DCLK1: variants seen among roughly 807,000 people sequenced by gnomAD.
DCLK1 encodes the protein serine/threonine-protein kinase DCLK1.
In DCLK1, 16 loss-of-function variants were observed where a neutral mutation model predicts 86.2. The ratio of observed to expected loss-of-function variants is 0.19; its 90% CI spans 0.13 to 0.28. The LOEUF (loss-of-function observed/expected upper bound fraction) is 0.28, where lower values mean the gene tolerates loss of function less well. DCLK1 is among the 10% of genes least tolerant of loss of function. DCLK1 has a pLI of 1.00. For synonymous variants in DCLK1, 369 were observed against 370.5 expected (o/e 1.00, Z 0.05); for missense variants, 590 against 940.2 (o/e 0.63, Z 4.87).
At chr13:35,971,039 CAAG>C (rs1879036234) in intron 3 of DCLK1, among the ~76,000 whole-genome samples, 1 of 152,082 alleles carries the variant, frequency 6.6e-6, no homozygotes, top group African/African-American at 2.4e-5. Context: ...ACTTGACAGG[CAAG>C]AGCAGATGCC....
At chr13:35,801,420 T>C (rs779966172) in intron 15 of DCLK1, among the ~76,000 whole-genome samples, 3 of 152,204 alleles carry the variant, frequency 2.0e-5, no homozygotes, top group Non-Finnish European at 4.4e-5. Flanking sequence ...AGTTAAGCAC[T>C]CACTTAATCG....
rs1327804145 is a variant in DCLK1, at chr13:35,828,446, T to C, written c.1230-139A>G. 3 of 710,394 alleles carry C rather than the reference T, an allele frequency of 4.2e-6. No individual in the cohort carries two copies. In the African/African-American group the frequency reaches 5.4e-5, roughly 13 times the overall value. 44.0% of individuals were successfully genotyped at this position (710,394 alleles called of 1,614,324 possible). A position where few individuals can be genotyped will look rare whatever the true frequency, so the allele number is the denominator to read the frequency against. On this transcript the variant is annotated intron_variant, in intron 8 of 16. Coordinates refer to ENST00000360631, the MANE Select transcript of DCLK1 (RefSeq NM_001330071.2). ...TTGTGAAAGGATTTCCTTTCCTTTT[T>C]TAAAAAAAAACAAATAAATATGTAA...
chr13:36,110,990 C>T (rs890318313), intron 3 of DCLK1, among the ~76,000 whole-genome samples: 2 of 151,878 alleles, frequency 1.3e-5, no homozygotes, highest in Admixed American at 6.6e-5. Context: ...ACCACCACAC[C>T]CAGGTAATTT....
rs578237350 is a variant in DCLK1 at position 35,862,441 on chromosome 13, A to G, written c.941-7848T>C. 3.7e-4 allele frequency among the ~76,000 whole-genome samples: 56 copies of G among 152,280 alleles called. No individual in the cohort carries two copies. The South Asian group carries it at 7.7e-3, about 21-fold the overall frequency. On this transcript the variant is annotated intron_variant, in intron 5 of 16. Coordinates refer to ENST00000360631, the MANE Select transcript of DCLK1 (RefSeq NM_001330071.2). The stretch of plus-strand genomic sequence containing the variant: ...TCTGTCTTGACAATTTCATTCCAGG[A>G]TGACTACAATGGCCTCATAGAGCCT...
intron 3 of DCLK1, among the ~76,000 whole-genome samples, chr13:35,982,801 A>G (rs1388133239): frequency 6.6e-6 from 1 of 152,034 alleles, no homozygotes; most frequent in Admixed American, 6.6e-5. Flanking sequence ...TCATTCTGTC[A>G]CCCAGGTTGG....
intron 5 of DCLK1, among the ~76,000 whole-genome samples, chr13:35,867,966 A>AGG (rs1871973619): frequency 1.4e-5 from 2 of 146,692 alleles, no homozygotes; most frequent in Admixed American, 1.4e-4. Context: ...AGAAAGAAAG[A>AGG]GAAAAAGAAA....
intron 3 of DCLK1, among the ~76,000 whole-genome samples, chr13:35,974,245 G>A (rs947599427): frequency 2.0e-5 from 3 of 152,152 alleles, no homozygotes; most frequent in Non-Finnish European, 4.4e-5. Context: ...GAATGTGACT[G>A]CATTTGAAGA....
rs752565045 is a variant in DCLK1 at position 36,126,067 on chromosome 13, C to A, written c.71G>T (p.Gly24Val). 6.2e-7 allele frequency: 1 copy of A among 1,612,906 alleles called. No homozygotes were observed. Among genetic ancestry groups the A allele is most frequent in the South Asian group, 1.1e-5 (1 of 91,028 alleles). The change falls in exon 2 of 17, where the codon GGG becomes GTG. Residue 24 changes from glycine to valine, a missense_variant. Physicochemically the swap from Gly to Val is moderately radical, Grantham distance 109. Around this residue, in one of 6 missense-constraint regions of DCLK1, gnomAD observed 50 missense variants for 47.8 expected, o/e 1.05. Transcript: ENST00000360631. ...GCTCGGCAGGCCGTTCACCCGCGAC[C>A]CTCGGCTGTATCTCTGCGCCTTATC... ...ERDKAQRYSR[G>V]SRVNGLPSPT...
intron 3 of DCLK1, among the ~76,000 whole-genome samples, chr13:36,025,437 G>A (rs1193012015): frequency 6.6e-6 from 1 of 152,132 alleles, no homozygotes; most frequent in Non-Finnish European, 1.5e-5. Flanking sequence ...GAATGCTCAT[G>A]GTTAGCATAA....
At chr13:36,123,048 G>A (rs1258357436) in intron 2 of DCLK1, among the ~76,000 whole-genome samples, 1 of 152,172 alleles carries the variant, frequency 6.6e-6, no homozygotes, top group Non-Finnish European at 1.5e-5. Context: ...GAAAGAGCAA[G>A]AAAATAACTA....
intron 3 of DCLK1, among the ~76,000 whole-genome samples, chr13:36,105,125 T>TAAGAA (rs1885343821): frequency 6.6e-6 from 1 of 152,250 alleles, no homozygotes; most frequent in Non-Finnish European, 1.5e-5. Context: ...GAGGTCACAC[T>TAAGAA]ACTAATGAGT....
chr13:35,954,096 T>C (rs534750733), intron 3 of DCLK1, among the ~76,000 whole-genome samples: 10 of 152,156 alleles, frequency 6.6e-5, no homozygotes, highest in Non-Finnish European at 1.2e-4. Context: ...TTCTTTAAAA[T>C]ACTTCATTTG....
At chr13:36,062,638 T>C (rs1325303162) in intron 3 of DCLK1, among the ~76,000 whole-genome samples, 1 of 152,196 alleles carries the variant, frequency 6.6e-6, no homozygotes, top group Non-Finnish European at 1.5e-5. Flanking sequence ...AGTGGCTGCC[T>C]GACATAAAGA....
Position 35,809,080 on chromosome 13 carries a change from C to T in DCLK1, c.1704G>A (p.Val568=). ...TGATTACACCTGCTGCCCAGATGTCCACCTTGAGGCCGTATCTGGAAAAAT... is the reference window on the plus strand; with the variant it reads ...TGATTACACCTGCTGCCCAGATGTCTACCTTGAGGCCGTATCTGGAAAAAT... ...IIAETGYGLK[V]DIWAAGVITY... is the part of the protein sequence containing the mutation. Residue 568 remains valine (V), a synonymous_variant, in exon 13 of 17, where the codon GTG becomes GTA. Coordinates refer to ENST00000360631, the MANE Select transcript of DCLK1 (RefSeq NM_001330071.2). The T allele has an allele frequency of 6.2e-7, 1 of 1,611,024 alleles. No individual in the cohort carries two copies. The highest frequency in any genetic ancestry group is 8.5e-7 in the Non-Finnish European group (1 of 1,178,008).
rs536619078 is a variant in DCLK1, at chr13:35,959,800, C to A, written c.724-12343G>T. Among the ~76,000 whole-genome samples, 11 of 151,776 alleles carry A rather than the reference C, an allele frequency of 7.2e-5. No homozygotes were observed. The East Asian group carries it at 2.1e-3, about 30-fold the overall frequency. Reference sequence around the variant, plus strand: ...TTCCAAAGGCAGGGTAGGGCACAATCAAGACCCACCACTCCTAGAAATTAG... The same window carrying A: ...TTCCAAAGGCAGGGTAGGGCACAATAAAGACCCACCACTCCTAGAAATTAG... On this transcript the variant is annotated intron_variant, in intron 3 of 16. Coordinates refer to ENST00000360631, the MANE Select transcript of DCLK1 (RefSeq NM_001330071.2).
chr13:35,879,306 G>T (rs1055389573), intron 4 of DCLK1, among the ~76,000 whole-genome samples: 3 of 152,142 alleles, frequency 2.0e-5, no homozygotes, highest in Admixed American at 2.0e-4. Flanking sequence ...TCCAGATGGC[G>T]CCCACGTGTT....
chr13:35,948,562 G>T (rs1877504217), intron 3 of DCLK1, among the ~76,000 whole-genome samples: 1 of 152,154 alleles, frequency 6.6e-6, no homozygotes, highest in Non-Finnish European at 1.5e-5. Context: ...TACATGTGCT[G>T]TAAGACATGG....
At chr13:35,994,722 C>T (rs1443882695) in intron 3 of DCLK1, among the ~76,000 whole-genome samples, 2 of 152,172 alleles carry the variant, frequency 1.3e-5, no homozygotes, top group African/African-American at 2.4e-5. Context: ...TGGCAGTGCT[C>T]GGGCTCTGAT....
Position 35,850,748 on chromosome 13 carries a change from T to A in DCLK1, c.1035+3751A>T, listed in dbSNP as rs181693477. The stretch of plus-strand genomic sequence containing the variant: ...CACTGAGTCTCCTACTGAATCCAAG[T>A]CATCCGAAGAGAGGGGGCGGTACAG... On this transcript the variant is annotated intron_variant, in intron 6 of 16. Coordinates refer to ENST00000360631, the MANE Select transcript of DCLK1 (RefSeq NM_001330071.2). 4 of 1,603,942 alleles carry A rather than the reference T, an allele frequency of 2.5e-6. No homozygotes were observed. The African/African-American group carries it at 4.0e-5, about 16-fold the overall frequency.
Sources: allele counts gnomAD v4.1 joint callset (sites outside exome capture counted in the v4.1 genomes callset), GRCh38; gene constraint gnomAD v4.1.1; regional missense constraint gnomAD v4.1.1; transcripts MANE v1.5; gene names NCBI Gene and HGNC (gene_info 2026-07-23, HGNC 2026-07-21).